Variants in UGGT2 observed in about 807,000 individuals in gnomAD.
UGGT2 encodes UDP-glucose:glycoprotein glucosyltransferase 2.
UGGT2 carries 180 observed loss-of-function variants against 192.1 expected under a neutral mutation model. That is an observed-to-expected ratio of 0.94 (90% CI 0.83 to 1.06). The LOEUF (loss-of-function observed/expected upper bound fraction) is 1.06, where lower values mean the gene tolerates loss of function less well. UGGT2 is among the 50% of genes least tolerant of loss of function. The probability of loss-of-function intolerance (pLI) is 0.00; values close to 1 mark genes in which losing one functional copy is unlikely to be tolerated. For missense variants in UGGT2, 1,849 were observed against 1,795.7 expected, an observed-to-expected ratio of 1.03 and a Z score of -0.54; for synonymous variants, 580 against 591.0, an observed-to-expected ratio of 0.98 and a Z score of 0.27.
intron 2 of UGGT2, 123 bp from the exon 3 acceptor site, chr13:96,023,882 G>T: frequency 1.3e-6 from 1 of 763,428 alleles, no homozygotes; most frequent in Non-Finnish European, 1.8e-6. Context: ...TATGGATAAT[G>T]CTAGAGAAAA....
chr13:95,875,161 T>C (rs1193717533), intron 29 of UGGT2, among the ~76,000 whole-genome samples: 1 of 152,220 alleles, frequency 6.6e-6, no homozygotes, highest in African/African-American at 2.4e-5. Context: ...ATGTGGCATA[T>C]CTCGTGGTTT....
At chr13:96,022,710 T>C (rs1355747829) in intron 4 of UGGT2, among the ~76,000 whole-genome samples, 1 of 151,978 alleles carries the variant, frequency 6.6e-6, no homozygotes, top group Non-Finnish European at 1.5e-5. Context: ...ATTGTTTTGA[T>C]TACTTTGTTA....
intron 12 of UGGT2, among the ~76,000 whole-genome samples, chr13:95,950,460 G>A (rs1052825862): frequency 6.6e-6 from 1 of 151,488 alleles, no homozygotes; most frequent in Non-Finnish European, 1.5e-5. Context: ...ACAGAAGCAA[G>A]TGAGCATCTG....
intron 1 of UGGT2, among the ~76,000 whole-genome samples, chr13:96,045,595 T>C (rs1337866311): frequency 6.6e-6 from 1 of 151,988 alleles, no homozygotes; most frequent in Non-Finnish European, 1.5e-5. Context: ...CCCCAAAGAC[T>C]CCTCCAAAAA....
chr13:95,855,106 T>TA (rs10713359), intron 34 of UGGT2, among the ~76,000 whole-genome samples: 1,574 of 49,962 alleles, frequency 0.032, 51 homozygotes, highest in African/African-American at 0.051. Context: ...ACCCTGTCTG[T>TA]AAAAAAAAAA....
chr13:95,899,628 G>A (rs948987348), intron 22 of UGGT2, among the ~76,000 whole-genome samples: 3 of 151,904 alleles, frequency 2.0e-5, no homozygotes, highest in Non-Finnish European at 4.4e-5. Flanking sequence ...AAAAGGTAAG[G>A]CACTAGATAA....
intron 34 of UGGT2, among the ~76,000 whole-genome samples, chr13:95,855,027 T>C (rs984990291): frequency 2.0e-5 from 3 of 149,496 alleles, no homozygotes; most frequent in East Asian, 3.9e-4. Flanking sequence ...TTAGATATTA[T>C]GTGTGGGGCT....
chr13:95,868,409 A>AAC (rs34860066), intron 29 of UGGT2, among the ~76,000 whole-genome samples: 50,195 of 151,822 alleles, frequency 0.33, 8,425 homozygotes, highest in Middle Eastern at 0.39. Flanking sequence ...CAGCCTGGGC[A>AAC]ACAGTGAGAC....
At chr13:95,922,771 C>T (rs142813053) in intron 20 of UGGT2, among the ~76,000 whole-genome samples, 5 of 150,982 alleles carry the variant, frequency 3.3e-5, no homozygotes, top group African/African-American at 9.7e-5. Context: ...TGTGGTGAGC[C>T]GAGATCACAC....
At position 95,947,086 on chromosome 13, in the gene UGGT2, T is replaced by C. The variant is rs1301915311; in HGVS notation, c.1628A>G (p.Tyr543Cys). The C allele has an allele frequency of 1.2e-5, 20 of 1,611,456 alleles. No individual in the cohort carries two copies. Among genetic ancestry groups the C allele is most frequent in the Non-Finnish European group, 1.7e-5 (20 of 1,179,324 alleles). The change falls in exon 15 of 39, where the codon TAT (tyrosine) becomes TGT (cysteine). Residue 543 changes from tyrosine to cysteine, a missense_variant. Transcript: ENST00000376747. The stretch of plus-strand genomic sequence containing the variant: ...TGATATATCAAATTCTTCTGCAATA[T>C]AGTTGAAAGCTCGCCAGAGAGCAAC... Reference protein sequence around the residue: ...AGVALWRAFNYIAEEFDISEA... With the variant: ...AGVALWRAFNCIAEEFDISEA...
intron 38 of UGGT2, among the ~76,000 whole-genome samples, chr13:95,823,650 TTA>T (rs926629443): frequency 2.0e-5 from 3 of 152,090 alleles, no homozygotes; most frequent in Admixed American, 6.6e-5. Flanking sequence ...ATGTGAATTC[TTA>T]TATGTTAGTT....
chr13:95,822,467 G>C (rs1885604803), intron 38 of UGGT2, among the ~76,000 whole-genome samples: 1 of 152,002 alleles, frequency 6.6e-6, no homozygotes, highest in Non-Finnish European at 1.5e-5. Context: ...TTTCTAGGTA[G>C]ATGGTCATAT....
intron 36 of UGGT2, among the ~76,000 whole-genome samples, chr13:95,850,218 T>C (rs540496200): frequency 4.6e-5 from 7 of 152,308 alleles, no homozygotes; most frequent in East Asian, 1.9e-4. Flanking sequence ...TTTCTTTCTG[T>C]ACAAACTGAA....
At chr13:95,924,687 T>A (rs1259294751) in intron 20 of UGGT2, among the ~76,000 whole-genome samples, 1 of 152,018 alleles carries the variant, frequency 6.6e-6, no homozygotes, top group Non-Finnish European at 1.5e-5. Flanking sequence ...TGTGGCTCAG[T>A]CTTTATCTCT....
chr13:95,827,041 T>C (rs1261962051), intron 38 of UGGT2, among the ~76,000 whole-genome samples: 1 of 152,140 alleles, frequency 6.6e-6, no homozygotes, highest in Non-Finnish European at 1.5e-5. Context: ...GACATCCTAA[T>C]ATTGGAATTT....
intron 38 of UGGT2, among the ~76,000 whole-genome samples, chr13:95,828,462 G>T (rs866840950): frequency 1.3e-5 from 2 of 151,966 alleles, no homozygotes; most frequent in African/African-American, 4.8e-5. Flanking sequence ...TCAAATAGAT[G>T]CAATAAAAAA....
chr13:95,859,601 G>A lies in UGGT2; in HGVS notation c.3815C>T (p.Pro1272Leu), dbSNP rs555034597. Residue 1272 changes from proline (P) to leucine (L), a missense_variant, in exon 33 of 39, where the codon CCG (proline) becomes CTG (leucine). Physicochemically the swap from Pro to Leu is moderately conservative, Grantham distance 98. Transcript: ENST00000376747. ...AAGCTATGTACTTACTTTAAATGTC[G>A]GTGAGAGATAATTTTTTAGCAACCA... ...KFWLLKNYLS[P>L]TFKEVIPHMA... 39 of 1,608,812 alleles carry A rather than the reference G, an allele frequency of 2.4e-5. 1 individual carries two copies. The Middle Eastern group carries it at 1.0e-3, about 41-fold the overall frequency.
intron 1 of UGGT2, 30 bp from the exon 2 acceptor site, chr13:96,032,001 T>C: frequency 6.6e-7 from 1 of 1,524,660 alleles, no homozygotes; most frequent in Non-Finnish European, 9.1e-7. Context: ...AATCGGTTAG[T>C]AGATGGAATT....
intron 20 of UGGT2, among the ~76,000 whole-genome samples, chr13:95,912,765 A>T (rs986193250): frequency 6.6e-6 from 1 of 152,210 alleles, no homozygotes; most frequent in African/African-American, 2.4e-5. Flanking sequence ...ACCAAAAAAC[A>T]GCCTGCATTG....
Sources: gnomAD v4.1 joint callset for allele counts (sites outside exome capture counted in the v4.1 genomes callset) on GRCh38, gnomAD v4.1.1 for gene constraint, MANE v1.5 for transcripts, NCBI Gene and HGNC (gene_info 2026-07-23, HGNC 2026-07-21) for gene names.